The following PCDHGA5 variants were observed in gnomAD, a reference collection of about 807,000 sequenced individuals.
PCDHGA5 encodes the protein protocadherin gamma subfamily A, 5.
A neutral mutation model predicts 56.7 loss-of-function variants in PCDHGA5; 36 were observed. That is an observed-to-expected ratio of 0.64 (90% CI 0.49 to 0.84). The LOEUF is 0.84. Ranked by LOEUF, PCDHGA5 falls within the 40% of genes least tolerant of loss-of-function variation. PCDHGA5 has a pLI of 0.00. For synonymous variants in PCDHGA5, 563 were observed against 520.2 expected (o/e 1.08, Z -1.12); for missense variants, 1,305 against 1,201.5 (o/e 1.09, Z -1.27).
intron 1 of PCDHGA5, among the ~76,000 whole-genome samples, chr5:141,456,985 A>C (rs2098902590): frequency 6.6e-6 from 1 of 152,204 alleles, no homozygotes; most frequent in Non-Finnish European, 1.5e-5. Context: ...ACAAACAAAC[A>C]AACAAAAACT....
In PCDHGA5 at chr5:141,493,468, T is replaced by C. The variant is rs960204561; in HGVS notation, c.2422-1339T>C. On this transcript the variant is annotated intron_variant, in intron 1 of 3. Transcript: ENST00000518069. The surrounding 1 kb of genome is among the most constrained non-coding windows in gnomAD (Gnocchi z 4.3). ...TGGGGTTCCTTCCCTTTTAGGACCT[T>C]ACATGTGGGGAAAGTCTTCTGTGGC... Among the ~76,000 whole-genome samples the C allele has an allele frequency of 4.6e-5, 7 of 152,144 alleles. No individual in the cohort carries two copies. Among genetic ancestry groups the C allele is most frequent in the African/African-American group, 1.4e-4 (6 of 41,426 alleles).
chr5:141,380,470 G>A (rs755352560), intron 1 of PCDHGA5, among the ~76,000 whole-genome samples: 27 of 152,140 alleles, frequency 1.8e-4, no homozygotes, highest in Non-Finnish European at 3.4e-4. Flanking sequence ...AAATGGTCAG[G>A]ATTCTTCCCA....
intron 1 of PCDHGA5, chr5:141,413,447 C>T: frequency 2.5e-6 from 4 of 1,614,088 alleles, no homozygotes; most frequent in Non-Finnish European, 3.4e-6. Flanking sequence ...TTGATCACCG[C>T]GGGCAGGATA....
Position 141,487,568 on chromosome 5 carries a change from C to G in PCDHGA5, c.2422-7239C>G, listed in dbSNP as rs752378906. The G allele has an allele frequency of 1.9e-6, 3 of 1,614,180 alleles. No homozygotes were observed. Among genetic ancestry groups the G allele is most frequent in the Non-Finnish European group, 2.5e-6 (3 of 1,180,042 alleles). ...ACCCAGTGCACCTATGGCAGGGGAG[C>G]CTGTTCGCCCAAGCTGCCCACCCTC... On this transcript the variant is annotated intron_variant, in intron 1 of 3. Transcript: ENST00000518069. This position sits in a 1 kb window ranked among gnomAD's most constrained non-coding sequence, Gnocchi z 5.0.
At chr5:141,387,791 A>T in intron 1 of PCDHGA5, 1 of 1,492,120 alleles carries the variant, frequency 6.7e-7, no homozygotes, top group Non-Finnish European at 8.9e-7. Context: ...AACTGCAACT[A>T]AAGTCCGTTC....
intron 1 of PCDHGA5, chr5:141,413,063 T>G: frequency 1.8e-6 from 2 of 1,142,610 alleles, no homozygotes; most frequent in East Asian, 5.1e-5. Context: ...CACTCCAGAA[T>G]TTAAAGTGCC....
intron 3 of PCDHGA5, among the ~76,000 whole-genome samples, chr5:141,508,943 CAG>C (rs1562237475): frequency 1.3e-5 from 2 of 151,982 alleles, no homozygotes; most frequent in Admixed American, 6.6e-5. Context: ...TTAGGGAAAA[CAG>C]AGAAATGTCA....
At chr5:141,407,276 T>C (rs1393118660) in intron 1 of PCDHGA5, among the ~76,000 whole-genome samples, 2 of 152,292 alleles carry the variant, frequency 1.3e-5, no homozygotes, top group East Asian at 3.9e-4. Context: ...AACAAGAAAA[T>C]TGTTACAATT....
At chr5:141,402,953 A>G in intron 1 of PCDHGA5, 3 of 1,597,298 alleles carry the variant, frequency 1.9e-6, no homozygotes, top group Middle Eastern at 1.7e-4. Context: ...CGAGGCAGCA[A>G]TGGCAGCTCC....
rs1024686607 is a variant in PCDHGA5, at chr5:141,487,597, T to C, written c.2422-7210T>C. 6.2e-7 allele frequency: 1 copy of C among 1,614,178 alleles called. No homozygotes were observed. The highest frequency in any genetic ancestry group is 8.5e-7 in the Non-Finnish European group (1 of 1,180,040). ...TTCGCCCAAGCTGCCCACCCTCTGA[T>C]CTTCTCTATGGGCTAGAGGTGAGAC... On this transcript the variant is annotated intron_variant, in intron 1 of 3. Coordinates refer to ENST00000518069, the MANE Select transcript of PCDHGA5 (RefSeq NM_018918.3). The surrounding 1 kb of genome is among the most constrained non-coding windows in gnomAD (Gnocchi z 5.0).
intron 1 of PCDHGA5, chr5:141,394,856 G>T (rs1008039711): frequency 1.2e-6 from 2 of 1,613,674 alleles, no homozygotes; most frequent in African/African-American, 2.7e-5. Context: ...TGAAGCCTTC[G>T]GTCGACCCGA....
chr5:141,384,766 A>G, intron 1 of PCDHGA5: 2 of 1,613,916 alleles, frequency 1.2e-6, no homozygotes, highest in Non-Finnish European at 1.7e-6. Flanking sequence ...TGGGCTGTAC[A>G]CGGGCGAGGT....
rs1000775080 is a variant in PCDHGA5 at position 141,487,567 on chromosome 5, G to C, written c.2422-7240G>C. 2 of 1,614,168 alleles carry C rather than the reference G, an allele frequency of 1.2e-6. No individual in the cohort carries two copies. The highest frequency in any genetic ancestry group is 1.7e-6 in the Non-Finnish European group (2 of 1,180,036). ...CACCCAGTGCACCTATGGCAGGGGA[G>C]CCTGTTCGCCCAAGCTGCCCACCCT... On this transcript the variant is annotated intron_variant, in intron 1 of 3. Coordinates refer to ENST00000518069, the MANE Select transcript of PCDHGA5 (RefSeq NM_018918.3). The surrounding 1 kb of genome is among the most constrained non-coding windows in gnomAD (Gnocchi z 5.0).
chr5:141,453,101 T>TTTTTGTTTTG (rs879618609), intron 1 of PCDHGA5, among the ~76,000 whole-genome samples: 1 of 152,012 alleles, frequency 6.6e-6, no homozygotes, highest in Non-Finnish European at 1.5e-5. Flanking sequence ...TTCTGTTGCT[T>TTTTTGTTTTG]TTTTGTTTTG....
intron 1 of PCDHGA5, chr5:141,478,044 C>A (rs1302168166): frequency 1.9e-6 from 3 of 1,614,184 alleles, no homozygotes; most frequent in South Asian, 1.1e-5. Flanking sequence ...CCCAGGCAGA[C>A]TCTCACGGTC....
intron 1 of PCDHGA5, chr5:141,441,743 C>G (rs1298220876): frequency 2.7e-6 from 1 of 367,284 alleles, no homozygotes; most frequent in Non-Finnish European, 5.4e-6. Flanking sequence ...AGCTCGCGCT[C>G]GGCGTCAACG....
At chr5:141,483,187 GTTT>G (rs899657161) in intron 1 of PCDHGA5, among the ~76,000 whole-genome samples, 2 of 152,172 alleles carry the variant, frequency 1.3e-5, no homozygotes, top group African/African-American at 4.8e-5. Flanking sequence ...AAGCCAAGGA[GTTT>G]TTATTTTATT....
intron 1 of PCDHGA5, chr5:141,389,448 C>T (rs895638491): frequency 1.2e-6 from 2 of 1,610,424 alleles, no homozygotes; most frequent in Non-Finnish European, 1.7e-6. Context: ...CGACCACGAG[C>T]AGCTGCGCGC....
intron 1 of PCDHGA5, chr5:141,423,081 C>A: frequency 6.2e-7 from 1 of 1,614,084 alleles, no homozygotes; most frequent in South Asian, 1.1e-5. Context: ...CGGGACTCTT[C>A]GCGGTGGGGG....
Sources: allele counts gnomAD v4.1 joint callset (sites outside exome capture counted in the v4.1 genomes callset), GRCh38; gene constraint gnomAD v4.1.1; non-coding constraint Gnocchi (gnomAD v3.1); transcripts MANE v1.5; gene names NCBI Gene and HGNC (gene_info 2026-07-23, HGNC 2026-07-21).